Variants in PLCE1 observed in about 807,000 individuals in gnomAD.
PLCE1 encodes phospholipase C epsilon 1.
Under a neutral mutation model 242.8 loss-of-function variants are expected in PLCE1, and 119 were observed. The observed-to-expected ratio is 0.49, with a 90% CI of 0.42 to 0.57. The LOEUF (loss-of-function observed/expected upper bound fraction) is 0.57. Among genes scored for constraint, PLCE1 ranks in the 20% least tolerant of loss-of-function variants. PLCE1 has a pLI of 0.00. For missense variants in PLCE1, 2,441 were observed against 2,788.8 expected (o/e 0.88, Z 2.81); for synonymous variants, 945 against 1,017.4 (o/e 0.93, Z 1.35).
At chr10:94,025,369 A>C (rs1239830702) in intron 1 of PLCE1, among the ~76,000 whole-genome samples, 1 of 152,142 alleles carries the variant, frequency 6.6e-6, no homozygotes, top group Non-Finnish European at 1.5e-5. Flanking sequence ...TTTTGGGGGG[A>C]AATTAGGAGT....
chr10:94,267,520 C>A (rs932376874), intron 16 of PLCE1, among the ~76,000 whole-genome samples: 6 of 152,178 alleles, frequency 3.9e-5, no homozygotes, highest in African/African-American at 1.4e-4. Flanking sequence ...CTCCATGGGG[C>A]AAATGGGAAG....
chr10:94,325,228 G>A (rs11187865), intron 32 of PLCE1, 124 bp downstream of exon 32: 4 of 728,092 alleles, frequency 5.5e-6, no homozygotes, highest in Non-Finnish European at 7.3e-6. Context: ...AGGCAGGTAG[G>A]AATGGGACCT....
At chr10:94,004,259 G>A (rs1466222102) in intron 1 of PLCE1, among the ~76,000 whole-genome samples, 1 of 152,158 alleles carries the variant, frequency 6.6e-6, no homozygotes, top group African/African-American at 2.4e-5. Context: ...GAGGATTCTG[G>A]ACACACAGTA....
At chr10:94,078,038 T>G (rs1257128332) in intron 2 of PLCE1, among the ~76,000 whole-genome samples, 1 of 152,236 alleles carries the variant, frequency 6.6e-6, no homozygotes, top group Non-Finnish European at 1.5e-5. Context: ...AGGCTAGTCT[T>G]TATTTATTAC....
At chr10:94,263,106 G>A (rs959225469) in intron 14 of PLCE1, among the ~76,000 whole-genome samples, 18 of 152,112 alleles carry the variant, frequency 1.2e-4, no homozygotes, top group Non-Finnish European at 1.6e-4. Flanking sequence ...TCTTGACCTC[G>A]TGATCTGCCC....
intron 4 of PLCE1, among the ~76,000 whole-genome samples, chr10:94,187,660 G>A (rs1461191280): frequency 1.3e-5 from 2 of 152,122 alleles, no homozygotes; most frequent in African/African-American, 4.8e-5. Context: ...GAAAGAATGA[G>A]GACTCAGCCG....
At chr10:94,239,101 C>T (rs747788705) in intron 7 of PLCE1, among the ~76,000 whole-genome samples, 7 of 152,134 alleles carry the variant, frequency 4.6e-5, no homozygotes, top group Non-Finnish European at 1.0e-4. Context: ...GCAAATTGCA[C>T]GGCATACTAT....
rs2051345948 is a variant in PLCE1, at chr10:94,262,722, G to A, written c.4043G>A (p.Ser1348Asn). ...GEHCTYDEIL[S>N]IIQKFEPSIS... Reference sequence around the variant, plus strand: ...CACTGCACTTATGATGAAATCCTCAGCATCATCCAGGTTTGTGCCTGTTTT... The same window carrying A: ...CACTGCACTTATGATGAAATCCTCAACATCATCCAGGTTTGTGCCTGTTTT... The change falls in exon 14 of 33, where the codon AGC becomes AAC. Residue 1348 changes from serine to asparagine, a missense_variant. Ser to Asn is a conservative substitution (Grantham distance 46, BLOSUM62 1). This residue lies in a region of PLCE1 where 1,004 missense variants were observed against 1,322.7 expected (regional missense o/e 0.76). Transcript: ENST00000371380. 2 of 1,609,658 alleles carry A rather than the reference G, an allele frequency of 1.2e-6. No homozygotes were observed. Among genetic ancestry groups the A allele is most frequent in the Non-Finnish European group, 1.7e-6 (2 of 1,176,000 alleles).
intron 20 of PLCE1, 55 bp from the exon 21 acceptor site, chr10:94,283,735 C>A (rs2052334929): frequency 3.8e-6 from 6 of 1,586,386 alleles, no homozygotes; most frequent in Middle Eastern, 2.0e-4. Flanking sequence ...GCACATGTAG[C>A]TCTTAAGTGA....
intron 4 of PLCE1, among the ~76,000 whole-genome samples, chr10:94,200,559 G>A (rs2048958915): frequency 6.6e-6 from 1 of 152,168 alleles, no homozygotes; most frequent in South Asian, 2.1e-4. Flanking sequence ...ACAAATCTGT[G>A]CAAAAGAACT....
Position 94,270,562 on chromosome 10 carries a change from G to A in PLCE1, c.4466G>A (p.Cys1489Tyr). The change falls in exon 18 of 33, where the codon TGT becomes TAT. Residue 1489 changes from cysteine to tyrosine, a missense_variant. By Grantham distance (194) the Cys-to-Tyr change is radical. Coordinates refer to ENST00000371380, the MANE Select transcript of PLCE1 (RefSeq NM_016341.4). Reference sequence around the variant, plus strand: ...ATCATCATATCGATTGAGAACCACTGTTCATTGCCTCAGCAACGAAAAATG... The same window carrying A: ...ATCATCATATCGATTGAGAACCACTATTCATTGCCTCAGCAACGAAAAATG... ...LPIIISIENH[C>Y]SLPQQRKMAE... is the part of the protein sequence containing the mutation. The A allele has an allele frequency of 1.2e-6, 2 of 1,613,782 alleles. No individual in the cohort carries two copies. The highest frequency in any genetic ancestry group is 1.7e-6 in the Non-Finnish European group (2 of 1,179,692).
intron 4 of PLCE1, among the ~76,000 whole-genome samples, chr10:94,221,095 C>G (rs1372661464): frequency 6.6e-6 from 1 of 152,172 alleles, no homozygotes; most frequent in Non-Finnish European, 1.5e-5. Context: ...GGTCACTAAG[C>G]CCCTGGGTGA....
At chr10:94,251,475 TAC>T (rs550399884) in intron 8 of PLCE1, among the ~76,000 whole-genome samples, 1 of 152,190 alleles carries the variant, frequency 6.6e-6, no homozygotes, top group Non-Finnish European at 1.5e-5. Flanking sequence ...GTAAACACAG[TAC>T]ATGGAAATTA....
intron 2 of PLCE1, among the ~76,000 whole-genome samples, chr10:94,075,623 G>A (rs533564336): frequency 2.6e-5 from 4 of 152,316 alleles, no homozygotes; most frequent in South Asian, 2.1e-4. Context: ...ACCTTTGTTT[G>A]AATGAAGGGA....
At chr10:94,192,052 T>C (rs922377338) in intron 4 of PLCE1, among the ~76,000 whole-genome samples, 1 of 152,204 alleles carries the variant, frequency 6.6e-6, no homozygotes, top group Non-Finnish European at 1.5e-5. Flanking sequence ...TAATTATATA[T>C]ATATGGAGTG....
chr10:94,158,090 A>G (rs923062675), intron 3 of PLCE1, among the ~76,000 whole-genome samples: 1 of 152,160 alleles, frequency 6.6e-6, no homozygotes, highest in Non-Finnish European at 1.5e-5. Context: ...ATTATAATTT[A>G]TTTATGATGA....
rs561479720 is a variant in PLCE1 at position 94,077,507 on chromosome 10, C to A, written c.1206+45255C>A. Among the ~76,000 whole-genome samples, 20 of 152,326 alleles carry A rather than the reference C, an allele frequency of 1.3e-4. 1 individual carries two copies. The South Asian group carries it at 4.1e-3, about 32-fold the overall frequency. ...GTTTCCAACTCATCTCACCTGTAATCCCAGACCTTTGGGAGGCCAAGGTGA... is the reference window on the plus strand; with the variant it reads ...GTTTCCAACTCATCTCACCTGTAATACCAGACCTTTGGGAGGCCAAGGTGA... On this transcript the variant is annotated intron_variant, in intron 2 of 32. Coordinates refer to ENST00000371380, the MANE Select transcript of PLCE1 (RefSeq NM_016341.4).
chr10:94,327,919 G>T, intron 32 of PLCE1, 49 bp from the exon 33 acceptor site: 1 of 512,970 alleles, frequency 1.9e-6, no homozygotes, highest in Non-Finnish European at 4.0e-6. Flanking sequence ...AAGTGTTTCT[G>T]TTTCTTCATT....
chr10:94,228,193 C>A (rs1163634328), intron 5 of PLCE1, among the ~76,000 whole-genome samples: 1 of 150,180 alleles, frequency 6.7e-6, no homozygotes, highest in Non-Finnish European at 1.5e-5. Flanking sequence ...CATCAGGTTG[C>A]CTGCTTTATC....
Sources: allele counts gnomAD v4.1 joint callset (sites outside exome capture counted in the v4.1 genomes callset), GRCh38; gene constraint gnomAD v4.1.1; regional missense constraint gnomAD v4.1.1; transcripts MANE v1.5; gene names NCBI Gene and HGNC (gene_info 2026-07-23, HGNC 2026-07-21).